CHST11: variants seen among roughly 807,000 people sequenced by gnomAD.
CHST11 encodes C4S-1.
A neutral mutation model predicts 30.4 loss-of-function variants in CHST11; 9 were observed. That is an observed-to-expected ratio of 0.30 (90% CI 0.18 to 0.52). The LOEUF is 0.52. CHST11 is among the 20% of genes least tolerant of loss of function. CHST11 has a pLI of 0.97. For missense variants in CHST11, 348 were observed against 460.6 expected, an observed-to-expected ratio of 0.76 and a Z score of 2.24; for synonymous variants, 152 against 187.8, an observed-to-expected ratio of 0.81 and a Z score of 1.56.
intron 2 of CHST11, among the ~76,000 whole-genome samples, chr12:104,728,515 G>A (rs2040233213): frequency 6.6e-6 from 1 of 152,106 alleles, no homozygotes; most frequent in Non-Finnish European, 1.5e-5. Context: ...TTTCAGACAG[G>A]AGCCACCCAT....
At chr12:104,530,167 A>C (rs2038168008) in intron 1 of CHST11, among the ~76,000 whole-genome samples, 1 of 152,112 alleles carries the variant, frequency 6.6e-6, no homozygotes, top group African/African-American at 2.4e-5. Context: ...TCAAAGCACT[A>C]TTACTGTATA....
intron 2 of CHST11, among the ~76,000 whole-genome samples, chr12:104,620,578 C>G (rs376576433): frequency 2.0e-4 from 31 of 152,312 alleles, no homozygotes; most frequent in Middle Eastern, 6.8e-3. Context: ...CAATCCTTCT[C>G]TTAATGAGAA....
At chr12:104,567,883 G>T (rs1460301142) in intron 1 of CHST11, among the ~76,000 whole-genome samples, 2 of 152,198 alleles carry the variant, frequency 1.3e-5, no homozygotes, top group African/African-American at 2.4e-5. Context: ...GCCATGTGAA[G>T]ACACAGAAGG....
intron 1 of CHST11, among the ~76,000 whole-genome samples, chr12:104,486,384 C>T (rs1473903830): frequency 6.6e-6 from 1 of 151,488 alleles, no homozygotes; most frequent in South Asian, 2.1e-4. Flanking sequence ...GGACAGGAAT[C>T]GGGGAATGCA....
chr12:104,479,980 G>A (rs2037603813), intron 1 of CHST11, among the ~76,000 whole-genome samples: 1 of 152,154 alleles, frequency 6.6e-6, no homozygotes, highest in African/African-American at 2.4e-5. Flanking sequence ...TGTCTGTGGG[G>A]GAGGCTGGGA....
At chr12:104,481,667 G>C (rs1289949497) in intron 1 of CHST11, among the ~76,000 whole-genome samples, 3 of 151,864 alleles carry the variant, frequency 2.0e-5, no homozygotes, top group African/African-American at 7.3e-5. Context: ...GAGGGCTTTG[G>C]GGTTTCTGAT....
At chr12:104,533,766 T>G (rs943059122) in intron 1 of CHST11, among the ~76,000 whole-genome samples, 3 of 152,182 alleles carry the variant, frequency 2.0e-5, no homozygotes, top group African/African-American at 7.2e-5. Context: ...TGGTTGCAAG[T>G]GCCAATCAAT....
At chr12:104,748,976 C>T (rs567492313) in intron 2 of CHST11, among the ~76,000 whole-genome samples, 54 of 152,166 alleles carry the variant, frequency 3.5e-4, no homozygotes, top group Admixed American at 5.9e-4. Flanking sequence ...GAGAGAATGA[C>T]GCATGGTTGG....
intron 1 of CHST11, among the ~76,000 whole-genome samples, chr12:104,468,952 A>T (rs1372664929): frequency 6.6e-6 from 1 of 152,176 alleles, no homozygotes; most frequent in Non-Finnish European, 1.5e-5. Flanking sequence ...GTATCCTGGA[A>T]CTTAAAATTA....
At chr12:104,495,328 G>T (rs2037789152) in intron 1 of CHST11, among the ~76,000 whole-genome samples, 1 of 152,116 alleles carries the variant, frequency 6.6e-6, no homozygotes, top group African/African-American at 2.4e-5. Context: ...TCTTTTGAAA[G>T]AATTGAAAGA....
intron 2 of CHST11, among the ~76,000 whole-genome samples, chr12:104,704,378 G>T (rs2040015297): frequency 6.6e-6 from 1 of 152,186 alleles, no homozygotes; most frequent in African/African-American, 2.4e-5. Flanking sequence ...GGTGAGGGAG[G>T]AAGGGGAAGC....
intron 2 of CHST11, among the ~76,000 whole-genome samples, chr12:104,750,541 A>G (rs908723464): frequency 3.5e-5 from 5 of 144,202 alleles, no homozygotes; most frequent in African/African-American, 1.3e-4. Flanking sequence ...TCCCGGGTTC[A>G]AGTGATTTTC....
chr12:104,554,133 A>G (rs76158228), intron 1 of CHST11, among the ~76,000 whole-genome samples: 1 of 152,208 alleles, frequency 6.6e-6, no homozygotes, highest in Non-Finnish European at 1.5e-5. Flanking sequence ...CATGGAAGCA[A>G]TATGTCCTCA....
Position 104,675,815 on chromosome 12 carries a change from A to G in CHST11, c.204+73824A>G, listed in dbSNP as rs143927722. Among the ~76,000 whole-genome samples the G allele has an allele frequency of 3.4e-4, 52 of 152,332 alleles. No individual in the cohort carries two copies. The East Asian group carries it at 8.5e-3, about 25-fold the overall frequency. Reference sequence around the variant, plus strand: ...GTCCACAGCATGCTGTCAGGCTGTAAGCACTCAGTTCCATTAATTGCTGTT... The same window carrying G: ...GTCCACAGCATGCTGTCAGGCTGTAGGCACTCAGTTCCATTAATTGCTGTT... On this transcript the variant is annotated intron_variant, in intron 2 of 2. Coordinates refer to ENST00000303694, the MANE Select transcript of CHST11 (RefSeq NM_018413.6).
chr12:104,675,386 A>G (rs528818182), intron 2 of CHST11, among the ~76,000 whole-genome samples: 4 of 152,178 alleles, frequency 2.6e-5, no homozygotes, highest in Admixed American at 2.0e-4. Flanking sequence ...CTTCAACCGT[A>G]GATTTGCCTT....
intron 2 of CHST11, among the ~76,000 whole-genome samples, chr12:104,733,791 A>G (rs2040275552): frequency 6.6e-6 from 1 of 152,206 alleles, no homozygotes. Flanking sequence ...GGCTGCACTG[A>G]TCTTATCTAT....
rs942431761 is a variant in CHST11, at chr12:104,476,009, TATAA to T, written c.118+18488_118+18491del. Among the ~76,000 whole-genome samples the T allele has an allele frequency of 3.1e-3, 453 of 144,660 alleles. 2 individuals carry two copies. The highest frequency in any genetic ancestry group is 4.6e-3 in the Non-Finnish European group (305 of 66,342). The allele number at this position is 144,660 out of a possible 152,430, so 94.9% of individuals were successfully genotyped here. A position where few individuals can be genotyped will look rare whatever the true frequency, so the allele number is the denominator to read the frequency against. On this transcript the variant is annotated intron_variant, in intron 1 of 2. Transcript: ENST00000303694. ...ATATATTATTATAAATGTATACATT[TATAA>T]ATAAATATATTATAATATATACATA...
At chr12:104,511,812 A>G (rs1397468103) in intron 1 of CHST11, among the ~76,000 whole-genome samples, 1 of 152,198 alleles carries the variant, frequency 6.6e-6, no homozygotes, top group Non-Finnish European at 1.5e-5. Context: ...TAGCAAATGC[A>G]GGACTCAGTA....
At chr12:104,601,623 TTTCA>T (rs770063412) in intron 1 of CHST11, among the ~76,000 whole-genome samples, 3 of 152,234 alleles carry the variant, frequency 2.0e-5, no homozygotes, top group Non-Finnish European at 2.9e-5. Context: ...AGTGGTTTCA[TTTCA>T]ATGAGCTTTA....
Sources: gnomAD v4.1 joint callset for allele counts (sites outside exome capture counted in the v4.1 genomes callset) on GRCh38, gnomAD v4.1.1 for gene constraint, MANE v1.5 for transcripts, NCBI Gene and HGNC (gene_info 2026-07-23, HGNC 2026-07-21) for gene names.